DNAJC10: variants seen among roughly 807,000 people sequenced by gnomAD.
DNAJC10 encodes endoplasmic reticulum disulfide reductase DNAJC10.
Under a neutral mutation model 115.0 loss-of-function variants are expected in DNAJC10, and 101 were observed. The ratio of observed to expected loss-of-function variants is 0.88; its 90% confidence interval spans 0.75 to 1.04. DNAJC10 has a LOEUF of 1.04. DNAJC10 is among the 50% of genes least tolerant of loss of function. DNAJC10 has a pLI of 0.00. For synonymous variants in DNAJC10, 307 were observed against 301.5 expected (o/e 1.02, Z -0.19); for missense variants, 981 against 928.8 (o/e 1.06, Z -0.73).
At chr2:182,727,479 G>A (rs1048476268) in intron 5 of DNAJC10, among the ~76,000 whole-genome samples, 1 of 151,984 alleles carries the variant, frequency 6.6e-6, no homozygotes, top group Non-Finnish European at 1.5e-5. Flanking sequence ...AACCAATATG[G>A]CAATTTTTTC....
Position 182,731,104 on chromosome 2 carries a change from G to A in DNAJC10, c.802G>A (p.Gly268Arg). ...GCTGATCACTTTTTGTTCAAAAGGAGGAGGTAATACTATTTTTTAATTTTG... is the reference window on the plus strand; with the variant it reads ...GCTGATCACTTTTTGTTCAAAAGGAAGAGGTAATACTATTTTTTAATTTTG... ...GWLITFCSKG[G>R]DCLTSQTRLR... The change falls in exon 9 of 24, where the codon GGA becomes AGA. Residue 268 changes from glycine to arginine, a missense_variant. Transcript: ENST00000264065. The A allele has an allele frequency of 6.2e-7, 1 of 1,610,784 alleles. No homozygotes were observed. The highest frequency in any genetic ancestry group is 8.5e-7 in the Non-Finnish European group (1 of 1,177,792).
Position 182,736,401 on chromosome 2 carries a change from A to C in DNAJC10, c.987+15A>C. On this transcript the variant is annotated intron_variant, in intron 11 of 23. Transcript: ENST00000264065. ...ACAGTATTTTGGTATGAATCACTTT[A>C]AACTAATTTATTTACATATAATGTG... 1 of 1,532,580 alleles carries C rather than the reference A, an allele frequency of 6.5e-7. No homozygotes were observed. 94.9% of individuals were successfully genotyped at this position (1,532,580 alleles called of 1,614,324 possible). A position where few individuals can be genotyped will look rare whatever the true frequency, so the allele number is the denominator to read the frequency against.
chr2:182,720,036 A>C lies in DNAJC10; in HGVS notation c.234A>C (p.Leu78Phe). Residue 78 changes from leucine (L) to phenylalanine (F), a missense_variant, in exon 4 of 24, where the codon TTA becomes TTC. By Grantham distance (22) the Leu-to-Phe change is conservative. Transcript: ENST00000264065. ...ACCCAAATGCACATGGCGATTTTTT[A>C]AAAATAAATAGAGCATATGAAGTAC... ...PNNPNAHGDF[L>F]KINRAYEVLK... 1 of 1,576,664 alleles carries C rather than the reference A, an allele frequency of 6.3e-7. No homozygotes were observed. The highest frequency in any genetic ancestry group is 8.7e-7 in the Non-Finnish European group (1 of 1,153,898).
At chr2:182,757,889 A>C in intron 19 of DNAJC10, 64 bp downstream of exon 19, 1 of 957,916 alleles carries the variant, frequency 1.0e-6, no homozygotes, top group Non-Finnish European at 1.5e-6. Context: ...TTAACAGTTA[A>C]GTTACCTGAA....
intron 22 of DNAJC10, among the ~76,000 whole-genome samples, chr2:182,766,660 G>T (rs1398567930): frequency 6.6e-6 from 1 of 152,136 alleles, no homozygotes; most frequent in Non-Finnish European, 1.5e-5. Context: ...AAAGGCTGAT[G>T]CTGGAAATAG....
rs1160442050 is a variant in DNAJC10 at position 182,792,338 on chromosome 2, C to T, written c.*15206C>T. 1.3e-5 allele frequency: 2 copies of T among 152,104 alleles called. No individual in the cohort carries two copies. Among genetic ancestry groups the T allele is most frequent in the South Asian group, 2.1e-4 (1 of 4,820 alleles). The allele number at this position is 152,104 out of a possible 1,614,324, so 9.4% of individuals were successfully genotyped here. A position where few individuals can be genotyped will look rare whatever the true frequency, so the allele number is the denominator to read the frequency against. ...GTGAGGGGTTTTGAGGGTTGTGGAA[C>T]AGGATAACATTTTGAGGTACAAAAA... is the stretch of plus-strand genomic sequence containing the variant. On this transcript the variant is annotated 3_prime_UTR_variant, in exon 24 of 24. Transcript: ENST00000264065.
At chr2:182,773,138 T>G (rs1290489335) in intron 22 of DNAJC10, among the ~76,000 whole-genome samples, 1 of 152,204 alleles carries the variant, frequency 6.6e-6, no homozygotes, top group Non-Finnish European at 1.5e-5. Context: ...GAAAATTCTT[T>G]TAAGAATGTT....
chr2:182,759,861 C>T (rs1694247719), intron 21 of DNAJC10, among the ~76,000 whole-genome samples: 1 of 151,970 alleles, frequency 6.6e-6, no homozygotes, highest in African/African-American at 2.4e-5. Context: ...GGTTTCACAT[C>T]CTATGACTAT....
Position 182,726,332 on chromosome 2 carries a change from AGTT to A in DNAJC10, c.419-2240_419-2238del, listed in dbSNP as rs1399093014. 1.0e-3 allele frequency among the ~76,000 whole-genome samples: 159 copies of A among 152,184 alleles called. 2 individuals carry two copies. Among genetic ancestry groups the A allele is most frequent in the East Asian group, 3.1e-3 (16 of 5,190 alleles). ...ATAATCTCACCATGGGGCGGTGAGG[AGTT>A]GTTCCTTATGGATGAGCAGAGAAAG... On this transcript the variant is annotated intron_variant, in intron 5 of 23. Coordinates refer to ENST00000264065, the MANE Select transcript of DNAJC10 (RefSeq NM_018981.4).
At chr2:182,750,452 T>G (rs923951583) in intron 14 of DNAJC10, among the ~76,000 whole-genome samples, 1 of 152,196 alleles carries the variant, frequency 6.6e-6, no homozygotes, top group African/African-American at 2.4e-5. Flanking sequence ...AATTATGTTA[T>G]TGCCAAGATA....
Position 182,789,186 on chromosome 2 carries a change from G to A in DNAJC10, c.*12054G>A, listed in dbSNP as rs1300419021. On this transcript the variant is annotated 3_prime_UTR_variant, in exon 24 of 24. Transcript: ENST00000264065. ...TTTGTGATTCCTTATTTTACTTAGCGTAAGTCCTCGAGACTCACCCATGTT... is the reference window on the plus strand; with the variant it reads ...TTTGTGATTCCTTATTTTACTTAGCATAAGTCCTCGAGACTCACCCATGTT... The A allele has an allele frequency of 2.8e-5, 5 of 177,356 alleles. No individual in the cohort carries two copies. The highest frequency in any genetic ancestry group is 6.2e-5 in the Admixed American group (1 of 16,010). The allele number at this position is 177,356 out of a possible 1,614,324, so 11.0% of individuals were successfully genotyped here. A position where few individuals can be genotyped will look rare whatever the true frequency, so the allele number is the denominator to read the frequency against.
chr2:182,734,027 C>T, intron 10 of DNAJC10, among the ~76,000 whole-genome samples: 1 of 148,974 alleles, frequency 6.7e-6, no homozygotes, highest in African/African-American at 2.4e-5. Context: ...TTATTCTGTC[C>T]AAGGAGAGGT....
At chr2:182,771,795 T>C (rs1317944318) in intron 22 of DNAJC10, among the ~76,000 whole-genome samples, 1 of 152,220 alleles carries the variant, frequency 6.6e-6, no homozygotes, top group Non-Finnish European at 1.5e-5. Flanking sequence ...CATTGATTTT[T>C]TGAAGGGTTT....
chr2:182,737,739 T>A (rs919637823), intron 11 of DNAJC10, among the ~76,000 whole-genome samples: 1 of 152,216 alleles, frequency 6.6e-6, no homozygotes, highest in African/African-American at 2.4e-5. Context: ...CCAATATCCC[T>A]CCATAAATCT....
chr2:182,757,894 C>A, intron 19 of DNAJC10, 69 bp downstream of exon 19: 1 of 916,148 alleles, frequency 1.1e-6, no homozygotes, highest in Non-Finnish European at 1.6e-6. Context: ...AGTTAAGTTA[C>A]CTGAACAAAA....
rs190879579 is a variant in DNAJC10, at chr2:182,782,931, C to G, written c.*5799C>G. On this transcript the variant is annotated 3_prime_UTR_variant, in exon 24 of 24. Coordinates refer to ENST00000264065, the MANE Select transcript of DNAJC10 (RefSeq NM_018981.4). ...TCTTTCTCTTGCCTGATTGTCCTGG[C>G]CAGAACTTCCAGTACATAGGAGTGG... The G allele has an allele frequency of 1.3e-5, 2 of 152,248 alleles. No homozygotes were observed. Among genetic ancestry groups the G allele is most frequent in the East Asian group, 1.9e-4 (1 of 5,178 alleles). 9.4% of individuals were successfully genotyped at this position (152,248 alleles called of 1,614,324 possible).
chr2:182,745,126 C>G (rs749832061), intron 14 of DNAJC10, among the ~76,000 whole-genome samples: 40 of 152,174 alleles, frequency 2.6e-4, no homozygotes, highest in Non-Finnish European at 4.6e-4. Flanking sequence ...GCGTCAGATT[C>G]CTTAGCATAG....
At chr2:182,722,154 G>C in intron 5 of DNAJC10, 79 bp downstream of exon 5, 1 of 1,002,656 alleles carries the variant, frequency 1.0e-6, no homozygotes, top group South Asian at 1.6e-5. Flanking sequence ...ATATATGTTT[G>C]AAATTTAGAA....
rs4018698 is a variant in DNAJC10, at chr2:182,793,820, TCACACA to T, written c.*16728_*16733del. Reference sequence around the variant, plus strand: ...TAAAATTTTCCAGAGAGGAAACACATCACACACACACACACACACACACACACACAC... The same window carrying T: ...TAAAATTTTCCAGAGAGGAAACACATCACACACACACACACACACACACAC... On this transcript the variant is annotated 3_prime_UTR_variant, in exon 24 of 24. Transcript: ENST00000264065. 15,722 of 135,512 alleles carry T rather than the reference TCACACA, an allele frequency of 0.12. 919 individuals are homozygous for T. Among genetic ancestry groups the T allele is most frequent in the Middle Eastern group, 0.18 (48 of 272 alleles). The allele number at this position is 135,512 out of a possible 1,614,324, so 8.4% of individuals were successfully genotyped here. A position where few individuals can be genotyped will look rare whatever the true frequency, so the allele number is the denominator to read the frequency against.
Sources: gnomAD v4.1 joint callset for allele counts (sites outside exome capture counted in the v4.1 genomes callset) on GRCh38, gnomAD v4.1.1 for gene constraint, MANE v1.5 for transcripts, NCBI Gene and HGNC (gene_info 2026-07-23, HGNC 2026-07-21) for gene names.